IRAG2: variants seen among roughly 807,000 people sequenced by gnomAD.
The protein encoded by IRAG2 is inositol 1,4,5-triphosphate receptor associated 2.
In IRAG2, 45 loss-of-function variants were observed where a neutral mutation model predicts 69.9. The ratio of observed to expected loss-of-function variants is 0.64; its 90% CI spans 0.51 to 0.83. The LOEUF is 0.83. Among genes scored for constraint, IRAG2 ranks in the 40% least tolerant of loss-of-function variants. The pLI is 0.00. For synonymous variants in IRAG2, 193 were observed against 202.4 expected (o/e 0.95, Z 0.40); for missense variants, 520 against 587.0 (o/e 0.89, Z 1.18).
chr12:25,046,314 T>C (rs1157745043), intron 16 of IRAG2, among the ~76,000 whole-genome samples: 1 of 151,984 alleles, frequency 6.6e-6, no homozygotes, highest in Non-Finnish European at 1.5e-5. Context: ...GCAAGGATGC[T>C]CACTCTCACC....
At chr12:25,005,213 A>T in intron 1 of IRAG2, 1 of 1,065,492 alleles carries the variant, frequency 9.4e-7, no homozygotes, top group Non-Finnish European at 1.2e-6. Context: ...AGAAAGCATC[A>T]GGATTTACAA....
chr12:25,004,633 T>A (rs1944417080), exon 1 of IRAG2: 1 of 1,231,914 alleles, frequency 8.1e-7, no homozygotes, highest in Admixed American at 4.2e-5. Context: ...AAGAACCCCA[T>A]CCACCTCTCA....
At chr12:25,069,982 G>A (rs1158225077) in intron 6 of IRAG2, among the ~76,000 whole-genome samples, 2 of 152,108 alleles carry the variant, frequency 1.3e-5, no homozygotes, top group African/African-American at 2.4e-5. Context: ...CTCTATCATT[G>A]AGATGTGGTT....
At chr12:25,048,257 T>C (rs1944813241), upstream of IRAG2, among the ~76,000 whole-genome samples, 1 of 152,214 alleles carries the variant, frequency 6.6e-6, no homozygotes, top group South Asian at 2.1e-4. Context: ...AATGTCTTAT[T>C]TTGAGAAGTG....
intron 6 of IRAG2, 116 bp from the exon 7 acceptor site, chr12:25,079,128 G>C (rs1345514823): frequency 4.0e-6 from 4 of 992,574 alleles, no homozygotes; most frequent in Non-Finnish European, 6.4e-6. Context: ...CTTTCCAAAA[G>C]AGCTGAGTAA....
intron 9 of IRAG2, among the ~76,000 whole-genome samples, chr12:25,083,023 C>G (rs780903867): frequency 6.6e-6 from 1 of 152,018 alleles, no homozygotes; most frequent in African/African-American, 2.4e-5. Flanking sequence ...TTGTTATCAG[C>G]CTTGCAAATA....
At chr12:25,031,464 A>G (rs896093928) in intron 10 of IRAG2, among the ~76,000 whole-genome samples, 3 of 152,182 alleles carry the variant, frequency 2.0e-5, no homozygotes, top group Admixed American at 6.5e-5. Flanking sequence ...ATTAGTACTG[A>G]AAAAAATCAG....
the IRAG2 span, among the ~76,000 whole-genome samples, chr12:24,997,917 C>T: frequency 4.6e-5 from 7 of 152,214 alleles, no homozygotes; most frequent in Non-Finnish European, 8.8e-5. Flanking sequence ...ATGTTGCTGT[C>T]ACCACAGGCA....
intron 14 of IRAG2, among the ~76,000 whole-genome samples, chr12:25,094,753 A>T (rs1057459563): frequency 1.3e-5 from 2 of 151,848 alleles, no homozygotes; most frequent in African/African-American, 4.8e-5. Context: ...AATTTTTTTC[A>T]GAAATGTTTT....
intron 13 of IRAG2, among the ~76,000 whole-genome samples, chr12:25,034,464 G>A (rs1315220429): frequency 6.6e-6 from 1 of 152,182 alleles, no homozygotes; most frequent in Non-Finnish European, 1.5e-5. Flanking sequence ...TAATTTTAAA[G>A]TGGCAAAATG....
At chr12:25,106,137 T>A (rs1038416393) in intron 20 of IRAG2, among the ~76,000 whole-genome samples, 1 of 151,942 alleles carries the variant, frequency 6.6e-6, no homozygotes, top group African/African-American at 2.4e-5. Context: ...AGAGAAAAAC[T>A]CTGATGTTAC....
intron 6 of IRAG2, among the ~76,000 whole-genome samples, chr12:25,072,565 G>T (rs1437649496): frequency 6.6e-6 from 1 of 152,064 alleles, no homozygotes; most frequent in Non-Finnish European, 1.5e-5. Flanking sequence ...ATTGTCATTG[G>T]TAATAATTAC....
chr12:25,050,209 A>G (rs1392699139), upstream of IRAG2, among the ~76,000 whole-genome samples: 2 of 151,662 alleles, frequency 1.3e-5, no homozygotes, highest in East Asian at 3.9e-4. Context: ...CAGTTGGGGG[A>G]ATGGAAAGTG....
At chr12:25,015,155 G>C (rs111412254) in intron 3 of IRAG2, 3 of 897,086 alleles carry the variant, frequency 3.3e-6, no homozygotes, top group East Asian at 4.7e-5. Context: ...CACTGGTTTT[G>C]TTTTTTTTTT....
chr12:25,015,966 C>T (rs941635951), intron 5 of IRAG2, among the ~76,000 whole-genome samples: 2 of 152,092 alleles, frequency 1.3e-5, no homozygotes, highest in Non-Finnish European at 2.9e-5. Flanking sequence ...GAGGCCGAGG[C>T]GGATGGATCA....
intron 6 of IRAG2, among the ~76,000 whole-genome samples, chr12:25,070,151 T>C (rs1946242208): frequency 6.6e-6 from 1 of 152,202 alleles, no homozygotes; most frequent in African/African-American, 2.4e-5. Context: ...ATTTAAATTA[T>C]TCACTTAAAT....
intron 5 of IRAG2, among the ~76,000 whole-genome samples, chr12:25,067,968 G>A (rs971752401): frequency 1.3e-5 from 2 of 152,140 alleles, no homozygotes; most frequent in Non-Finnish European, 2.9e-5. Flanking sequence ...AGTCTCCCAA[G>A]TAGCTGGGAT....
chr12:25,088,207 T>C, intron 11 of IRAG2, 50 bp downstream of exon 11: 1 of 1,449,676 alleles, frequency 6.9e-7, no homozygotes, highest in Non-Finnish European at 9.7e-7. Flanking sequence ...TCTCTGCTGA[T>C]ATTTTTGTGG....
At chr12:25,095,500 G>C (rs1948362408) in intron 14 of IRAG2, among the ~76,000 whole-genome samples, 1 of 152,008 alleles carries the variant, frequency 6.6e-6, no homozygotes, top group South Asian at 2.1e-4. Context: ...AATCCTACTT[G>C]TACATGATGT....
Sources: gnomAD v4.1 joint callset for allele counts (sites outside exome capture counted in the v4.1 genomes callset) on GRCh38, gnomAD v4.1.1 for gene constraint, MANE v1.5 for transcripts, NCBI Gene and HGNC (gene_info 2026-07-23, HGNC 2026-07-21) for gene names.